The following SOX6 variants were observed in gnomAD, a reference collection of about 807,000 sequenced individuals.
The protein encoded by SOX6 is transcription factor SOX-6.
Under a neutral mutation model 97.8 loss-of-function variants are expected in SOX6, and 11 were observed. The ratio of observed to expected loss-of-function variants is 0.11; its 90% CI spans 0.07 to 0.19. The LOEUF (loss-of-function observed/expected upper bound fraction) is 0.19. Among genes scored for constraint, SOX6 ranks in the 10% least tolerant of loss-of-function variants. The pLI is 1.00. For synonymous variants in SOX6, 360 were observed against 371.4 expected (o/e 0.97, Z 0.35); for missense variants, 810 against 1,039.5 (o/e 0.78, Z 3.04).
chr11:16,153,078 G>C (rs1211332626), intron 6 of SOX6, among the ~76,000 whole-genome samples: 1 of 152,014 alleles, frequency 6.6e-6, no homozygotes, highest in African/African-American at 2.4e-5. Context: ...TGTTGGCCAG[G>C]GTGGTATCTA....
intron 4 of SOX6, among the ~76,000 whole-genome samples, chr11:16,494,881 C>G (rs1170212927): frequency 6.6e-6 from 1 of 152,118 alleles, no homozygotes; most frequent in Non-Finnish European, 1.5e-5. Context: ...GCCAGGAGAC[C>G]ACGTAACAAT....
intron 4 of SOX6, among the ~76,000 whole-genome samples, chr11:16,528,388 G>T (rs1590234372): frequency 6.6e-6 from 1 of 152,088 alleles, no homozygotes; most frequent in African/African-American, 2.4e-5. Context: ...TTCAGACTCA[G>T]AGAAGTAATC....
chr11:16,270,044 C>G (rs1033425001), intron 3 of SOX6: 1 of 151,212 alleles, frequency 6.6e-6, no homozygotes, highest in Non-Finnish European at 1.5e-5. Flanking sequence ...GTAAGTTGTA[C>G]ACTTTAGAAC....
At chr11:16,384,821 G>A (rs536295381) in intron 1 of SOX6, among the ~76,000 whole-genome samples, 1 of 152,054 alleles carries the variant, frequency 6.6e-6, no homozygotes, top group South Asian at 2.1e-4. Flanking sequence ...AGAACATACT[G>A]CTTTTTATTT....
At chr11:16,574,770 T>A (rs1459144990) in intron 4 of SOX6, among the ~76,000 whole-genome samples, 1 of 151,900 alleles carries the variant, frequency 6.6e-6, no homozygotes, top group South Asian at 2.1e-4. Flanking sequence ...ATCATTTTTT[T>A]TAAAAAAAGA....
chr11:16,516,322 A>T (rs1860972258), intron 4 of SOX6, among the ~76,000 whole-genome samples: 1 of 152,074 alleles, frequency 6.6e-6, no homozygotes, highest in Non-Finnish European at 1.5e-5. Context: ...TGTGAATGGG[A>T]GTTCACTCAT....
At position 16,165,973 on chromosome 11, in the gene SOX6, T is replaced by C. The variant is rs529393085; in HGVS notation, c.777+17913A>G. Among the ~76,000 whole-genome samples, 6 of 151,586 alleles carry C rather than the reference T, an allele frequency of 4.0e-5. No individual in the cohort carries two copies. The South Asian group carries it at 1.3e-3, about 32-fold the overall frequency. On this transcript the variant is annotated intron_variant, in intron 6 of 15. Coordinates refer to ENST00000683767, the MANE Select transcript of SOX6 (RefSeq NM_001367873.1). ...AATATTTGTAAAGGACTTATAAAAG[T>C]CCCTAGTATATAATAAGTACTCAAT...
At chr11:16,512,184 A>G (rs926203545) in intron 4 of SOX6, among the ~76,000 whole-genome samples, 1 of 152,188 alleles carries the variant, frequency 6.6e-6, no homozygotes, top group Non-Finnish European at 1.5e-5. Flanking sequence ...ACTAAGGGCT[A>G]TATGTCCCAA....
chr11:16,356,279 A>G lies in SOX6; in HGVS notation c.-190T>C, dbSNP rs1343565213. Among the ~76,000 whole-genome samples, 8 of 152,108 alleles carry G rather than the reference A, an allele frequency of 5.3e-5. No individual in the cohort carries two copies. Among genetic ancestry groups the G allele is most frequent in the Non-Finnish European group, 8.8e-5 (6 of 68,004 alleles). ...ATCTCTGCCAAGTCTCAGGCTACCA[A>G]TTGTAGCCATAACTTTAAGCAACAT... is the stretch of plus-strand genomic sequence containing the variant. On this transcript the variant is annotated 5_prime_UTR_variant, in exon 1 of 16. Transcript: ENST00000683767.
chr11:16,191,334 A>G (rs1418215233), intron 4 of SOX6, among the ~76,000 whole-genome samples: 1 of 151,928 alleles, frequency 6.6e-6, no homozygotes, highest in East Asian at 1.9e-4. Context: ...AGTAGCACAC[A>G]CCTGTAGTCC....
intron 3 of SOX6, among the ~76,000 whole-genome samples, chr11:16,704,647 A>C (rs1164103569): frequency 6.6e-6 from 1 of 152,246 alleles, no homozygotes; most frequent in African/African-American, 2.4e-5. Context: ...GCAACAAGTT[A>C]AGAAGGTGTA....
At chr11:16,170,233 T>C (rs1343451290) in intron 6 of SOX6, among the ~76,000 whole-genome samples, 1 of 152,044 alleles carries the variant, frequency 6.6e-6, no homozygotes, top group Non-Finnish European at 1.5e-5. Context: ...GTTAGCAATG[T>C]GTATAAAACC....
chr11:16,682,251 C>A (rs914633155), intron 3 of SOX6, among the ~76,000 whole-genome samples: 1 of 152,118 alleles, frequency 6.6e-6, no homozygotes, highest in Non-Finnish European at 1.5e-5. Context: ...ACCCAGGAGG[C>A]GGAGCTTGCA....
In SOX6 at chr11:16,494,364, A is replaced by C. The variant is rs531949654; in HGVS notation, n.610-17976T>G. 1.8e-3 allele frequency among the ~76,000 whole-genome samples: 281 copies of C among 152,356 alleles called. 1 individual carries two copies. Among genetic ancestry groups the C allele is most frequent in the Admixed American group, 5.4e-3 (83 of 15,306 alleles). On this transcript the variant is annotated intron_variant and non_coding_transcript_variant, in intron 4 of 5. Coordinates refer to the SOX6 transcript ENST00000524520. ...GCACTCCAGCCTGGGCCACAAAGCA[A>C]AAGTCTGTCTCAAAATAAATAAATA...
chr11:16,407,019 T>C (rs1248685989), intron 1 of SOX6, among the ~76,000 whole-genome samples: 1 of 152,184 alleles, frequency 6.6e-6, no homozygotes, highest in Non-Finnish European at 1.5e-5. Flanking sequence ...CATTTTTGTG[T>C]ACTGAATTAT....
chr11:16,225,256 T>G (rs1355463607), intron 4 of SOX6, among the ~76,000 whole-genome samples: 2 of 152,042 alleles, frequency 1.3e-5, no homozygotes, highest in African/African-American at 4.8e-5. Context: ...ATTAAAAATT[T>G]TATCAGAGTT....
At chr11:16,534,230 T>C (rs1300275297) in intron 4 of SOX6, among the ~76,000 whole-genome samples, 1 of 152,160 alleles carries the variant, frequency 6.6e-6, no homozygotes, top group African/African-American at 2.4e-5. Flanking sequence ...TAGAAAAACC[T>C]AGAAAATTCT....
intron 4 of SOX6, among the ~76,000 whole-genome samples, chr11:16,220,298 AG>A (rs1265239001): frequency 2.0e-5 from 3 of 152,064 alleles, no homozygotes; most frequent in Non-Finnish European, 2.9e-5. Flanking sequence ...ACAACATTTT[AG>A]GTAAAATAAT....
At chr11:16,184,067 A>AG in intron 5 of SOX6, 113 bp from the exon 6 acceptor site, 9 of 961,376 alleles carry the variant, frequency 9.4e-6, no homozygotes, top group Non-Finnish European at 1.4e-5. Context: ...TATGTGAAAG[A>AG]GTTCCTATAA....
Sources: gnomAD v4.1 joint callset for allele counts (sites outside exome capture counted in the v4.1 genomes callset) on GRCh38, gnomAD v4.1.1 for gene constraint, MANE v1.5 for transcripts, NCBI Gene and HGNC (gene_info 2026-07-23, HGNC 2026-07-21) for gene names.